CDH4: variants seen among roughly 807,000 people sequenced by gnomAD.
CDH4 encodes the protein cadherin 4.
A neutral mutation model predicts 86.0 loss-of-function variants in CDH4; 33 were observed. The observed-to-expected ratio is 0.38, with a 90% CI of 0.29 to 0.51. CDH4 has a LOEUF of 0.51. Among genes scored for constraint, CDH4 ranks in the 20% least tolerant of loss-of-function variants. The probability of loss-of-function intolerance (pLI) is 0.86; values close to 1 mark genes in which losing one functional copy is unlikely to be tolerated. For synonymous variants in CDH4, 555 were observed against 549.4 expected (o/e 1.01, Z -0.14); for missense variants, 1,114 against 1,307.4 (o/e 0.85, Z 2.28).
At chr20:61,500,605 C>A (rs968169924) in intron 2 of CDH4, among the ~76,000 whole-genome samples, 2 of 152,188 alleles carry the variant, frequency 1.3e-5, no homozygotes, top group African/African-American at 4.8e-5. Context: ...GTGCTCTTTC[C>A]TCTCAAGACA....
At chr20:61,522,209 C>T (rs1313591158) in intron 2 of CDH4, among the ~76,000 whole-genome samples, 4 of 152,260 alleles carry the variant, frequency 2.6e-5, no homozygotes, top group African/African-American at 4.8e-5. Flanking sequence ...AGCCAAGCCT[C>T]GCTGTGATAC....
At chr20:61,463,563 C>T (rs2085456642) in intron 2 of CDH4, among the ~76,000 whole-genome samples, 1 of 152,224 alleles carries the variant, frequency 6.6e-6, no homozygotes, top group Non-Finnish European at 1.5e-5. Flanking sequence ...TGTGGTTCCC[C>T]ACCCAATCAG....
At chr20:61,792,957 T>TTTG (rs1555839232) in intron 4 of CDH4, among the ~76,000 whole-genome samples, 1 of 146,842 alleles carries the variant, frequency 6.8e-6, no homozygotes, top group Non-Finnish European at 1.5e-5. Context: ...CCTATGTGTT[T>TTTG]TTTTTGTTTT....
chr20:61,670,999 T>G (rs1327367689), intron 2 of CDH4, among the ~76,000 whole-genome samples: 1 of 152,154 alleles, frequency 6.6e-6, no homozygotes, highest in African/African-American at 2.4e-5. Context: ...CTGCCCTTAG[T>G]GAATTACATG....
intron 2 of CDH4, among the ~76,000 whole-genome samples, chr20:61,733,584 G>A (rs1043401995): frequency 2.0e-5 from 3 of 152,090 alleles, no homozygotes; most frequent in Admixed American, 6.6e-5. Context: ...TGCCATGTGG[G>A]CTGACTGCCC....
At chr20:61,803,838 A>G (rs556578224) in intron 4 of CDH4, among the ~76,000 whole-genome samples, 13 of 152,200 alleles carry the variant, frequency 8.5e-5, no homozygotes, top group African/African-American at 2.9e-4. Context: ...AAACTGAAAA[A>G]CACACGCCAC....
At chr20:61,500,950 C>T (rs1243786745) in intron 2 of CDH4, among the ~76,000 whole-genome samples, 1 of 152,224 alleles carries the variant, frequency 6.6e-6, no homozygotes, top group Non-Finnish European at 1.5e-5. Context: ...GCACTCAGCT[C>T]TCTTTGCAGC....
At chr20:61,471,675 T>C (rs943595106) in intron 2 of CDH4, among the ~76,000 whole-genome samples, 1 of 152,078 alleles carries the variant, frequency 6.6e-6, no homozygotes, top group Admixed American at 6.5e-5. Flanking sequence ...AGTACTACTT[T>C]TGCTGTGTTC....
intron 15 of CDH4, among the ~76,000 whole-genome samples, chr20:61,934,741 C>CACCCCAA (rs1203846983): frequency 6.7e-6 from 1 of 149,236 alleles, no homozygotes; most frequent in African/African-American, 2.5e-5. Context: ...CCCCACCCCA[C>CACCCCAA]ACCCCAAACA....
chr20:61,762,788 T>C (rs2088651608), intron 3 of CDH4, among the ~76,000 whole-genome samples: 1 of 152,152 alleles, frequency 6.6e-6, no homozygotes, highest in African/African-American at 2.4e-5. Context: ...AGAAATCCAG[T>C]GGCATGGGGA....
chr20:61,848,830 C>T (rs1009936681), intron 5 of CDH4, among the ~76,000 whole-genome samples: 27 of 152,116 alleles, frequency 1.8e-4, no homozygotes, highest in Non-Finnish European at 3.2e-4. Flanking sequence ...ACCGAGCCCA[C>T]GTTCCTGTCT....
At chr20:61,661,946 G>T (rs941032240) in intron 2 of CDH4, among the ~76,000 whole-genome samples, 1 of 152,136 alleles carries the variant, frequency 6.6e-6, no homozygotes, top group Non-Finnish European at 1.5e-5. Flanking sequence ...GGTCCACAGG[G>T]CCTCCCTTTG....
intron 2 of CDH4, among the ~76,000 whole-genome samples, chr20:61,545,495 T>C (rs1035059070): frequency 6.6e-6 from 1 of 152,226 alleles, no homozygotes; most frequent in African/African-American, 2.4e-5. Flanking sequence ...GCGTCTGGCG[T>C]TCAGTCACTG....
At chr20:61,331,071 G>A (rs981314563) in intron 2 of CDH4, among the ~76,000 whole-genome samples, 1 of 152,096 alleles carries the variant, frequency 6.6e-6, no homozygotes, top group Admixed American at 6.5e-5. Context: ...ACCTGTGCGA[G>A]GGTGCATTTC....
In CDH4 at chr20:61,581,322, A is replaced by G. The variant is rs946506195; in HGVS notation, c.170-162241A>G. ...CAGCGGTTTGTTCTCTTGCAGTTCT[A>G]GGGGTCAGAAGTCCAGAATCAGCCT... On this transcript the variant is annotated intron_variant, in intron 2 of 15. Transcript: ENST00000614565. 3.3e-5 allele frequency among the ~76,000 whole-genome samples: 5 copies of G among 152,198 alleles called. No individual in the cohort carries two copies. In the East Asian group the frequency reaches 7.7e-4, roughly 23 times the overall value.
At chr20:61,472,331 T>G (rs1472318392) in intron 2 of CDH4, among the ~76,000 whole-genome samples, 2 of 152,236 alleles carry the variant, frequency 1.3e-5, no homozygotes, top group Non-Finnish European at 2.9e-5. Context: ...ACTCTTGCTC[T>G]TTTGGTTTCC....
intron 2 of CDH4, among the ~76,000 whole-genome samples, chr20:61,328,266 C>T (rs1246625999): frequency 2.0e-5 from 3 of 152,120 alleles, no homozygotes; most frequent in Admixed American, 1.3e-4. Flanking sequence ...ACCTCCACCT[C>T]CTGGGTTCAA....
chr20:61,891,906 C>T (rs1487512034), intron 7 of CDH4, among the ~76,000 whole-genome samples: 1 of 152,122 alleles, frequency 6.6e-6, no homozygotes, highest in African/African-American at 2.4e-5. Flanking sequence ...GCCTTGCTCT[C>T]AGGCCTGTCC....
At chr20:61,598,571 G>C (rs1043563150) in intron 2 of CDH4, among the ~76,000 whole-genome samples, 4 of 152,192 alleles carry the variant, frequency 2.6e-5, no homozygotes, top group Non-Finnish European at 5.9e-5. Context: ...CGGCAGTAAG[G>C]TGTGGAGATA....
Sources: allele counts gnomAD v4.1 joint callset (sites outside exome capture counted in the v4.1 genomes callset), GRCh38; gene constraint gnomAD v4.1.1; transcripts MANE v1.5; gene names NCBI Gene and HGNC (gene_info 2026-07-23, HGNC 2026-07-21).